POU1F1: variants seen among roughly 807,000 people sequenced by gnomAD.
POU1F1 encodes the protein POU class 1 homeobox 1, also known as pituitary-specific positive transcription factor 1.
In POU1F1, 23 loss-of-function variants were observed where a neutral mutation model predicts 32.3. The ratio of observed to expected loss-of-function variants is 0.71; its 90% CI spans 0.51 to 1.01. The LOEUF (loss-of-function observed/expected upper bound fraction) is 1.01, where lower values mean the gene tolerates loss of function less well. Among genes scored for constraint, POU1F1 ranks in the 50% least tolerant of loss-of-function variants. The probability of loss-of-function intolerance (pLI) is 0.00; values close to 1 mark genes in which losing one functional copy is unlikely to be tolerated. For missense variants in POU1F1, 323 were observed against 341.6 expected, an observed-to-expected ratio of 0.95 and a Z score of 0.43; for synonymous variants, 120 against 115.6, an observed-to-expected ratio of 1.04 and a Z score of -0.25.
intron 2 of POU1F1, among the ~76,000 whole-genome samples, chr3:87,267,592 ATTTG>A (rs3052828): frequency 0.39 from 59,199 of 151,644 alleles, 11,972 homozygotes; most frequent in South Asian, 0.57. Context: ...AAAATTGTTT[ATTTG>A]TTTGTTTGCT....
intron 1 of POU1F1, among the ~76,000 whole-genome samples, chr3:87,274,479 G>A (rs1479287458): frequency 2.0e-5 from 3 of 151,446 alleles, no homozygotes; most frequent in African/African-American, 7.3e-5. Context: ...ACAAACTAGT[G>A]ATTAAAGACA....
rs187430187 is a variant in POU1F1, at chr3:87,272,336, G to A, written c.214+1011C>T. On this transcript the variant is annotated intron_variant, in intron 2 of 5. Coordinates refer to ENST00000350375, the MANE Select transcript of POU1F1 (RefSeq NM_000306.4). Reference sequence around the variant, plus strand: ...ATTATTATTATACTTTAAGTTTTAGGGTACATGTGTACAATGTGCAGGTTA... The same window carrying A: ...ATTATTATTATACTTTAAGTTTTAGAGTACATGTGTACAATGTGCAGGTTA... Among the ~76,000 whole-genome samples, 1,289 of 151,328 alleles carry A rather than the reference G, an allele frequency of 8.5e-3. 9 individuals carry two copies. Among genetic ancestry groups the A allele is most frequent in the Non-Finnish European group, 0.014 (960 of 67,752 alleles).
chr3:87,261,928 T>C, intron 4 of POU1F1, 143 bp downstream of exon 4: 1 of 963,380 alleles, frequency 1.0e-6, no homozygotes, highest in East Asian at 2.6e-5. Flanking sequence ...TAGTGTGATA[T>C]AACAAAATGT....
chr3:87,265,419 T>C (rs909673948), intron 2 of POU1F1, among the ~76,000 whole-genome samples: 1 of 152,090 alleles, frequency 6.6e-6, no homozygotes, highest in Admixed American at 6.6e-5. Flanking sequence ...AGATTTCCTT[T>C]TTCATTGGAA....
chr3:87,274,033 A>G (rs1272519158), intron 1 of POU1F1, among the ~76,000 whole-genome samples: 2 of 152,284 alleles, frequency 1.3e-5, no homozygotes, highest in South Asian at 2.1e-4. Flanking sequence ...AAAAACCTGT[A>G]ACAATATATG....
intron 1 of POU1F1, among the ~76,000 whole-genome samples, chr3:87,275,555 A>AAATC (rs922658603): frequency 6.6e-6 from 1 of 152,096 alleles, no homozygotes; most frequent in African/African-American, 2.4e-5. Context: ...CTCCATTTGT[A>AAATC]AATCAACTCT....
At chr3:87,262,661 TTTC>T (rs1706534630) in intron 3 of POU1F1, among the ~76,000 whole-genome samples, 2 of 152,136 alleles carry the variant, frequency 1.3e-5, no homozygotes, top group Admixed American at 6.5e-5. Flanking sequence ...AACATTCTTA[TTTC>T]AACTCTAAAA....
At chr3:87,265,380 AG>A (rs1484547731) in intron 2 of POU1F1, among the ~76,000 whole-genome samples, 1 of 152,114 alleles carries the variant, frequency 6.6e-6, no homozygotes. Context: ...AAATGTAAAA[AG>A]GTCTGAAATT....
intron 2 of POU1F1, among the ~76,000 whole-genome samples, chr3:87,265,974 A>G (rs1575978815): frequency 6.6e-6 from 1 of 151,088 alleles, no homozygotes; most frequent in Non-Finnish European, 1.5e-5. Context: ...ATAAATTACT[A>G]TGGAATACAT....
rs1706526689 is a variant in POU1F1 at position 87,262,197 on chromosome 3, C to T, written c.478G>A (p.Val160Met). The change falls in exon 4 of 6, where the codon GTG becomes ATG. Residue 160 changes from valine (V) to methionine (M), a missense_variant. Physicochemically the swap from Val to Met is conservative, Grantham distance 21. Coordinates refer to ENST00000350375, the MANE Select transcript of POU1F1 (RefSeq NM_000306.4). ...QTNVGEALAA[V>M]HGSEFSQTTI... ...GTTTGACTGAATTCAGAGCCATGCA[C>T]AGCTGCCAGGGCCTCCCCAACATTT... is the stretch of plus-strand genomic sequence containing the variant. The T allele has an allele frequency of 6.2e-7, 1 of 1,614,168 alleles. No individual in the cohort carries two copies.
chr3:87,260,865 ATTTT>A (rs199555032), intron 5 of POU1F1, among the ~76,000 whole-genome samples: 19,687 of 45,154 alleles, frequency 0.44, 1,647 homozygotes, highest in South Asian at 0.46. Flanking sequence ...CATTATTATT[ATTTT>A]TTTTTTATTT....
At position 87,259,795 on chromosome 3, in the gene POU1F1, A is replaced by C; in HGVS notation, c.*99T>G. On this transcript the variant is annotated 3_prime_UTR_variant, in exon 6 of 6. Transcript: ENST00000350375. The stretch of plus-strand genomic sequence containing the variant: ...AGTAAAGCTTCTGTAAAAGCTATTG[A>C]TATAAAATGATTTTAAGTCAACCAA... The C allele has an allele frequency of 1.0e-6, 1 of 978,422 alleles. No homozygotes were observed. Among genetic ancestry groups the C allele is most frequent in the Non-Finnish European group, 1.6e-6 (1 of 635,796 alleles). The allele number at this position is 978,422 out of a possible 1,614,324, so 60.6% of individuals were successfully genotyped here. A position where few individuals can be genotyped will look rare whatever the true frequency, so the allele number is the denominator to read the frequency against.
At chr3:87,270,528 AGC>A (rs1706704650) in intron 2 of POU1F1, among the ~76,000 whole-genome samples, 1 of 152,202 alleles carries the variant, frequency 6.6e-6, no homozygotes, top group Non-Finnish European at 1.5e-5. Flanking sequence ...ACTAAATGTA[AGC>A]ATCAGAGTAT....
chr3:87,260,115 G>A lies in POU1F1; in HGVS notation c.666-11C>T, dbSNP rs200529199. ...TCTTTAGCAGCAATGCTGGCGGGGG[G>A]TGGACATAGGGGGTGAAATTTTGTT... On this transcript the variant is annotated splice_polypyrimidine_tract_variant and intron_variant, in intron 5 of 5. Transcript: ENST00000350375. The A allele has an allele frequency of 4.3e-6, 7 of 1,609,588 alleles. No homozygotes were observed. Among genetic ancestry groups the A allele is most frequent in the East Asian group, 2.2e-5 (1 of 44,714 alleles).
At chr3:87,274,464 A>C (rs563064444) in intron 1 of POU1F1, among the ~76,000 whole-genome samples, 11 of 151,986 alleles carry the variant, frequency 7.2e-5, no homozygotes, top group African/African-American at 2.4e-4. Context: ...TGAGAATACC[A>C]ATATACAAAC....
intron 2 of POU1F1, among the ~76,000 whole-genome samples, chr3:87,272,914 T>G (rs557654080): frequency 6.6e-6 from 1 of 152,300 alleles, no homozygotes; most frequent in East Asian, 1.9e-4. Context: ...CATGTGGTTA[T>G]AGAGCACTTG....
intron 1 of POU1F1, 44 bp downstream of exon 1, chr3:87,276,277 A>G (rs753964256): frequency 3.1e-6 from 5 of 1,596,330 alleles, no homozygotes; most frequent in African/African-American, 1.3e-5. Flanking sequence ...TCATTCTGAA[A>G]TATTTAGGCC....
chr3:87,273,438 C>G lies in POU1F1; in HGVS notation c.143-20G>C. ...CTGTTGCTGTGTTTCCCAACGTTGT[C>G]ACCGAGAAATGTGTGCACAAACATT... On this transcript the variant is annotated intron_variant, in intron 1 of 5. Coordinates refer to ENST00000350375, the MANE Select transcript of POU1F1 (RefSeq NM_000306.4). 1 of 1,611,892 alleles carries G rather than the reference C, an allele frequency of 6.2e-7. No homozygotes were observed. The highest frequency in any genetic ancestry group is 8.5e-7 in the Non-Finnish European group (1 of 1,178,794).
At position 87,266,406 on chromosome 3, in the gene POU1F1, T is replaced by C. The variant is rs182958225; in HGVS notation, c.215-1894A>G. Among the ~76,000 whole-genome samples the C allele has an allele frequency of 1.9e-3, 285 of 148,274 alleles. 5 individuals are homozygous for C. The highest frequency in any genetic ancestry group is 6.5e-3 in the African/African-American group (266 of 40,974). ...ATATAAAAATATGTAATTATAAATATGTAATTATATCTAATAGGGTATATT... is the reference window on the plus strand; with the variant it reads ...ATATAAAAATATGTAATTATAAATACGTAATTATATCTAATAGGGTATATT... On this transcript the variant is annotated intron_variant, in intron 2 of 5. Transcript: ENST00000350375.
Sources: allele counts gnomAD v4.1 joint callset (sites outside exome capture counted in the v4.1 genomes callset), GRCh38; gene constraint gnomAD v4.1.1; transcripts MANE v1.5; gene names NCBI Gene and HGNC (gene_info 2026-07-23, HGNC 2026-07-21).